UGT1A6: variants seen among roughly 807,000 people sequenced by gnomAD.
The protein encoded by UGT1A6 is UDP glucuronosyltransferase family 1 member A6, also known as UDP-glucuronosyltransferase 1A6.
A neutral mutation model predicts 44.4 loss-of-function variants in UGT1A6; 32 were observed. The observed-to-expected ratio is 0.72, with a 90% CI of 0.54 to 0.97. UGT1A6 has a LOEUF of 0.97. Among genes scored for constraint, UGT1A6 ranks in the 50% least tolerant of loss-of-function variants. The pLI, the probability that UGT1A6 is intolerant of heterozygous loss-of-function variation, is 0.00. For missense variants in UGT1A6, 685 were observed against 661.9 expected (o/e 1.03, Z -0.38); for synonymous variants, 238 against 248.5 (o/e 0.96, Z 0.40).
At chr2:233,693,939 G>A in intron 1 of UGT1A6, 74 bp downstream of exon 1, 1 of 1,604,432 alleles carries the variant, frequency 6.2e-7, no homozygotes, top group Admixed American at 1.7e-5. Flanking sequence ...TTGGCTCCTT[G>A]AGCCGACTGT....
intron 1 of UGT1A6, among the ~76,000 whole-genome samples, chr2:233,763,842 A>G (rs1366123587): frequency 6.6e-6 from 1 of 152,224 alleles, no homozygotes; most frequent in Non-Finnish European, 1.5e-5. Context: ...AGGGTAAGAT[A>G]GCAGTGGTTC....
At chr2:233,733,344 T>A (rs1194194853) in intron 1 of UGT1A6, among the ~76,000 whole-genome samples, 4 of 152,230 alleles carry the variant, frequency 2.6e-5, no homozygotes, top group African/African-American at 9.6e-5. Flanking sequence ...TCCAACAGTA[T>A]GTTGAGTAGG....
Position 233,724,644 on chromosome 2 carries a change from G to T in UGT1A6, c.861+30779G>T, listed in dbSNP as rs1189293479. Among the ~76,000 whole-genome samples, 3 of 141,266 alleles carry T rather than the reference G, an allele frequency of 2.1e-5. 1 individual carries two copies. Among genetic ancestry groups the T allele is most frequent in the Admixed American group, 2.1e-4 (3 of 14,230 alleles). The allele number at this position is 141,266 out of a possible 152,430, so 92.7% of individuals were successfully genotyped here. A position where few individuals can be genotyped will look rare whatever the true frequency, so the allele number is the denominator to read the frequency against. ...CTCCTCACTTCCTAGATGTGATGGC[G>T]GCTGGGAAGAGGCGCTCCTCACTTC... On this transcript the variant is annotated intron_variant, in intron 1 of 4. Coordinates refer to ENST00000305139, the MANE Select transcript of UGT1A6 (RefSeq NM_001072.4).
chr2:233,734,221 A>G (rs1167860302), intron 1 of UGT1A6, among the ~76,000 whole-genome samples: 2 of 152,172 alleles, frequency 1.3e-5, no homozygotes, highest in Non-Finnish European at 2.9e-5. Flanking sequence ...TGGTCTATTC[A>G]GAGATTCAAC....
chr2:233,772,220 C>T (rs1700484860), intron 4 of UGT1A6, 42 bp from the exon 5 acceptor site: 1 of 1,612,710 alleles, frequency 6.2e-7, no homozygotes, highest in Non-Finnish European at 8.5e-7. Flanking sequence ...ATTGTTCATA[C>T]CACAGGTGTT....
intron 1 of UGT1A6, chr2:233,754,939 A>G: frequency 7.5e-7 from 1 of 1,337,054 alleles, no homozygotes; most frequent in Non-Finnish European, 1.0e-6. Context: ...AGGTCAAAGG[A>G]GAATGGGTCC....
At chr2:233,698,042 AGTT>A (rs2075422971) in intron 1 of UGT1A6, among the ~76,000 whole-genome samples, 1 of 152,202 alleles carries the variant, frequency 6.6e-6, no homozygotes, top group Non-Finnish European at 1.5e-5. Context: ...TTTTTCAAAA[AGTT>A]GTACTCAGTT....
intron 1 of UGT1A6, among the ~76,000 whole-genome samples, chr2:233,764,258 T>C (rs1698520087): frequency 1.3e-5 from 2 of 152,152 alleles, no homozygotes; most frequent in Non-Finnish European, 2.9e-5. Context: ...AGTTAATATG[T>C]TGCTTCACTC....
rs1191873899 is a variant in UGT1A6 at position 233,760,673 on chromosome 2, A to G, written c.862-6361A>G. The G allele has an allele frequency of 2.5e-6, 4 of 1,614,214 alleles. No homozygotes were observed. Among genetic ancestry groups the G allele is most frequent in the Non-Finnish European group, 3.4e-6 (4 of 1,180,038 alleles). Reference sequence around the variant, plus strand: ...GCTATGCTTTTGTCTGGCTGTTCCCACTTACTGCACAACAAGGAGCTCATG... The same window carrying G: ...GCTATGCTTTTGTCTGGCTGTTCCCGCTTACTGCACAACAAGGAGCTCATG... On this transcript the variant is annotated intron_variant, in intron 1 of 4. Coordinates refer to ENST00000305139, the MANE Select transcript of UGT1A6 (RefSeq NM_001072.4).
rs375123865 is a variant in UGT1A6, at chr2:233,769,419, A to G, written c.1301+980A>G. ...TGCATATGTGCGTGTGCGTTTGTGC[A>G]TGTGGCTGTGCTCATGTGTGGGTGC... On this transcript the variant is annotated intron_variant, in intron 4 of 4. Transcript: ENST00000305139. The surrounding 1 kb of genome is among the most constrained non-coding windows in gnomAD (Gnocchi z 4.4). 1.9e-5 allele frequency: 27 copies of G among 1,449,888 alleles called. No individual in the cohort carries two copies. The highest frequency in any genetic ancestry group is 3.6e-4 in the Middle Eastern group (2 of 5,546). The allele number at this position is 1,449,888 out of a possible 1,614,324, so 89.8% of individuals were successfully genotyped here.
At chr2:233,695,664 CAT>C (rs1168310101) in intron 1 of UGT1A6, among the ~76,000 whole-genome samples, 1 of 151,980 alleles carries the variant, frequency 6.6e-6, no homozygotes, top group Non-Finnish European at 1.5e-5. Context: ...TAAATGAGAA[CAT>C]GTGGTATTTG....
intron 1 of UGT1A6, chr2:233,729,094 G>T: frequency 9.9e-6 from 16 of 1,612,652 alleles, no homozygotes; most frequent in Non-Finnish European, 1.4e-5. Flanking sequence ...ACAGCGTGGG[G>T]TGGACAGTCA....
rs28898591 is a variant in UGT1A6 at position 233,711,285 on chromosome 2, G to A, written c.861+17420G>A. The stretch of plus-strand genomic sequence containing the variant: ...TCCCCAGGGTCTAGGAGTCCTAGAC[G>A]TGGGAGTAGAAATTAGATGACATTG... On this transcript the variant is annotated intron_variant, in intron 1 of 4. Transcript: ENST00000305139. Among the ~76,000 whole-genome samples, 371 of 152,324 alleles carry A rather than the reference G, an allele frequency of 2.4e-3. 1 individual carries two copies. The highest frequency in any genetic ancestry group is 8.6e-3 in the African/African-American group (359 of 41,568).
chr2:233,698,282 GA>G (rs528248105), intron 1 of UGT1A6, among the ~76,000 whole-genome samples: 32 of 152,044 alleles, frequency 2.1e-4, no homozygotes, highest in Admixed American at 1.5e-3. Context: ...TCAACACTAT[GA>G]AAAAAAATGT....
intron 1 of UGT1A6, among the ~76,000 whole-genome samples, chr2:233,762,537 C>T (rs1182921904): frequency 4.6e-5 from 7 of 152,180 alleles, no homozygotes; most frequent in African/African-American, 1.7e-4. Flanking sequence ...ACTTGTGTAC[C>T]ACAGTGTATT....
At chr2:233,723,516 CTTTTTTTT>C (rs1162916866) in intron 1 of UGT1A6, among the ~76,000 whole-genome samples, 9 of 85,406 alleles carry the variant, frequency 1.1e-4, no homozygotes, top group African/African-American at 3.9e-4. Context: ...GGTCAACAAT[CTTTTTTTT>C]TTTTTTTTTT....
chr2:233,705,569 G>T (rs1056646360), intron 1 of UGT1A6, among the ~76,000 whole-genome samples: 5 of 152,160 alleles, frequency 3.3e-5, no homozygotes, highest in African/African-American at 1.2e-4. Flanking sequence ...TGTGGCAAGG[G>T]ATAGAAATGG....
At chr2:233,698,319 G>C (rs1406840673) in intron 1 of UGT1A6, among the ~76,000 whole-genome samples, 1 of 152,196 alleles carries the variant, frequency 6.6e-6, no homozygotes, top group African/African-American at 2.4e-5. Flanking sequence ...GAAATGTCTG[G>C]AACCAGATAG....
intron 1 of UGT1A6, among the ~76,000 whole-genome samples, chr2:233,738,627 G>A (rs1481617124): frequency 1.3e-5 from 2 of 152,172 alleles, no homozygotes; most frequent in Non-Finnish European, 2.9e-5. Flanking sequence ...TGGCATTTTT[G>A]CCCCTGCCCT....
Sources: gnomAD v4.1 joint callset for allele counts (sites outside exome capture counted in the v4.1 genomes callset) on GRCh38, gnomAD v4.1.1 for gene constraint, Gnocchi (gnomAD v3.1) non-coding constraint, MANE v1.5 for transcripts, NCBI Gene and HGNC (gene_info 2026-07-23, HGNC 2026-07-21) for gene names.